Variants in PAPOLA observed in about 807,000 individuals in gnomAD.
PAPOLA encodes the protein polynucleotide adenylyltransferase alpha.
PAPOLA carries 15 observed loss-of-function variants against 100.6 expected under a neutral mutation model. The ratio of observed to expected loss-of-function variants is 0.15; its 90% CI spans 0.10 to 0.23. The LOEUF (loss-of-function observed/expected upper bound fraction) is 0.23, where lower values mean the gene tolerates loss of function less well. Among genes scored for constraint, PAPOLA ranks in the 10% least tolerant of loss-of-function variants. PAPOLA has a pLI of 1.00. For missense variants in PAPOLA, 533 were observed against 884.2 expected, an observed-to-expected ratio of 0.60 and a Z score of 5.04; for synonymous variants, 293 against 300.0, an observed-to-expected ratio of 0.98 and a Z score of 0.24.
chr14:96,517,569 G>A (rs961555418), intron 1 of PAPOLA, among the ~76,000 whole-genome samples: 11 of 149,838 alleles, frequency 7.3e-5, no homozygotes, highest in Admixed American at 2.0e-4. Flanking sequence ...AAAACTGGGG[G>A]AAAAAAAAAC....
Position 96,555,935 on chromosome 14 carries a change from G to C in PAPOLA, c.1753G>C (p.Glu585Gln). Residue 585 changes from glutamate (E) to glutamine (Q), a missense_variant, in exon 18 of 22, where the codon GAA (glutamate) becomes CAA (glutamine). Coordinates refer to ENST00000216277, the MANE Select transcript of PAPOLA (RefSeq NM_032632.5). Reference sequence around the variant, plus strand: ...TTCTGTGCCACAAGTAAATTCCAGTGAAAGCTCAGGGGGTAAGGAGATTGG... The same window carrying C: ...TTCTGTGCCACAAGTAAATTCCAGTCAAAGCTCAGGGGGTAAGGAGATTGG... ...EVSVPQVNSS[E>Q]SSGGTSSESI... The C allele has an allele frequency of 6.3e-7, 1 of 1,596,386 alleles. No homozygotes were observed. Among genetic ancestry groups the C allele is most frequent in the South Asian group, 1.1e-5 (1 of 90,726 alleles).
chr14:96,551,224 T>C (rs2140318665), intron 16 of PAPOLA, among the ~76,000 whole-genome samples: 1 of 152,328 alleles, frequency 6.6e-6, no homozygotes, highest in South Asian at 2.1e-4. Context: ...TCCCCAACAG[T>C]GGCCTGTTAA....
In PAPOLA at chr14:96,560,631, T is replaced by A; in HGVS notation, c.2005-18T>A. On this transcript the variant is annotated intron_variant, in intron 19 of 21. Transcript: ENST00000216277. ...AATTTTTCATTTTAGAGAATAAAGC[T>A]TTTTTTTTTAAAAACAGGATGAAAC... 8.0e-7 allele frequency: 1 copy of A among 1,248,826 alleles called. No individual in the cohort carries two copies. The highest frequency in any genetic ancestry group is 1.1e-6 in the Non-Finnish European group (1 of 895,790). The allele number at this position is 1,248,826 out of a possible 1,614,324, so 77.4% of individuals were successfully genotyped here.
chr14:96,542,982 CT>C, intron 14 of PAPOLA, 89 bp downstream of exon 14: 1 of 1,363,420 alleles, frequency 7.3e-7, no homozygotes, highest in Non-Finnish European at 1.0e-6. Flanking sequence ...ACTAGTATAA[CT>C]ATTCTGTTGA....
chr14:96,524,743 A>T (rs910032759), intron 3 of PAPOLA, among the ~76,000 whole-genome samples: 1 of 152,136 alleles, frequency 6.6e-6, no homozygotes, highest in African/African-American at 2.4e-5. Flanking sequence ...AGCTGGTCTC[A>T]ATCTGGGCTC....
chr14:96,522,683 G>A (rs1285538745), intron 3 of PAPOLA, among the ~76,000 whole-genome samples: 1 of 152,242 alleles, frequency 6.6e-6, no homozygotes, highest in South Asian at 2.1e-4. Flanking sequence ...AGGATTACAG[G>A]GGTGAGCCAC....
chr14:96,510,788 C>T (rs778655380), intron 1 of PAPOLA, among the ~76,000 whole-genome samples: 5 of 152,162 alleles, frequency 3.3e-5, no homozygotes, highest in East Asian at 1.9e-4. Context: ...GAACACCTTA[C>T]GGTGGGCCAG....
intron 21 of PAPOLA, among the ~76,000 whole-genome samples, chr14:96,563,984 T>A (rs1244552919): frequency 6.6e-6 from 1 of 152,090 alleles, no homozygotes; most frequent in Non-Finnish European, 1.5e-5. Context: ...TAGATATTTT[T>A]ATGAGTGAGT....
Position 96,560,663 on chromosome 14 carries a change from AG to A in PAPOLA, c.2020del (p.Asp674MetfsTer7). On this transcript the variant is annotated frameshift_variant, in exon 20 of 22. Transcript: ENST00000216277. LOFTEE classifies it high-confidence loss of function. ...TTTAAAAACAGGATGAAACAAGTGA[AG>A]ATGCTAACTGTCTTGCTTTGAGTGG... ...TKTEEDETSE[D>X]ANCLALSGHD... 1.2e-6 allele frequency: 2 copies of A among 1,606,668 alleles called. No homozygotes were observed. Among genetic ancestry groups the A allele is most frequent in the Non-Finnish European group, 1.7e-6 (2 of 1,175,264 alleles).
intron 1 of PAPOLA, among the ~76,000 whole-genome samples, chr14:96,510,454 TGAGAGA>T (rs1428006698): frequency 7.2e-6 from 1 of 139,632 alleles, no homozygotes; most frequent in Admixed American, 6.8e-5. Context: ...CCTAGCCATA[TGAGAGA>T]GAGGGACACA....
intron 7 of PAPOLA, chr14:96,531,931 CAGA>C: frequency 7.7e-7 from 1 of 1,298,046 alleles, no homozygotes; most frequent in Non-Finnish European, 9.7e-7. Context: ...TTGCTGAGAT[CAGA>C]AGGACTACTT....
At chr14:96,554,269 A>G (rs1015354633) in intron 17 of PAPOLA, among the ~76,000 whole-genome samples, 1 of 152,238 alleles carries the variant, frequency 6.6e-6, no homozygotes, top group Non-Finnish European at 1.5e-5. Flanking sequence ...CTTGCTAGCC[A>G]TTTCAGGCTT....
intron 7 of PAPOLA, 48 bp from the exon 8 acceptor site, chr14:96,532,281 GTT>G (rs771702094): frequency 2.1e-6 from 3 of 1,461,100 alleles, no homozygotes; most frequent in Admixed American, 2.6e-5. Flanking sequence ...GTTTTGTTTT[GTT>G]TTGTGTGTGT....
chr14:96,565,116 AG>A lies in PAPOLA; in HGVS notation c.*68del. On this transcript the variant is annotated 3_prime_UTR_variant, in exon 22 of 22. Transcript: ENST00000216277. ...ACCTGTTGTCTTCAAATGCTAAAAAAGGAGAATGGAGGGTACAAGACTAGAC... is the reference window on the plus strand; with the variant it reads ...ACCTGTTGTCTTCAAATGCTAAAAAAGAGAATGGAGGGTACAAGACTAGAC... 1.1e-6 allele frequency: 1 copy of A among 871,232 alleles called. No homozygotes were observed. The allele number at this position is 871,232 out of a possible 1,614,324, so 54.0% of individuals were successfully genotyped here.
intron 9 of PAPOLA, 129 bp from the exon 10 acceptor site, chr14:96,534,362 T>G (rs1246492704): frequency 1.4e-6 from 2 of 1,480,758 alleles, no homozygotes; most frequent in African/African-American, 2.8e-5. Context: ...CAGAAAGGAT[T>G]AAAACGTTGT....
At chr14:96,538,674 A>G (rs1169215743) in intron 12 of PAPOLA, among the ~76,000 whole-genome samples, 1 of 151,936 alleles carries the variant, frequency 6.6e-6, no homozygotes, top group East Asian at 1.9e-4. Flanking sequence ...ATCCATACCA[A>G]ATTCTATTTA....
intron 17 of PAPOLA, 115 bp from the exon 18 acceptor site, chr14:96,555,732 C>T: frequency 1.9e-6 from 1 of 522,712 alleles, no homozygotes; most frequent in African/African-American, 2.0e-5. Context: ...GAAGTAAAAC[C>T]AAAGAATCAT....
At chr14:96,560,901 A>C (rs955552521) in intron 20 of PAPOLA, among the ~76,000 whole-genome samples, 190 bp downstream of exon 20, 2 of 152,174 alleles carry the variant, frequency 1.3e-5, no homozygotes, top group African/African-American at 4.8e-5. Flanking sequence ...CTGTGCCTTT[A>C]AAGGAGCTTA....
At chr14:96,507,449 G>A (rs1896809791) in intron 1 of PAPOLA, among the ~76,000 whole-genome samples, 1 of 151,680 alleles carries the variant, frequency 6.6e-6, no homozygotes, top group South Asian at 2.1e-4. Context: ...CACTGCGCCC[G>A]GCTAATTTTT....
Sources: allele counts gnomAD v4.1 joint callset (sites outside exome capture counted in the v4.1 genomes callset), GRCh38; gene constraint gnomAD v4.1.1; transcripts MANE v1.5; gene names NCBI Gene and HGNC (gene_info 2026-07-23, HGNC 2026-07-21).